The following ST6GALNAC3 variants were observed in gnomAD, a reference collection of about 807,000 sequenced individuals.
ST6GALNAC3 encodes alpha-N-acetylgalactosaminide alpha-2,6-sialyltransferase 3.
A neutral mutation model predicts 32.7 loss-of-function variants in ST6GALNAC3; 25 were observed. That is an observed-to-expected ratio of 0.76 (90% confidence interval 0.56 to 1.07). The LOEUF (loss-of-function observed/expected upper bound fraction) is 1.07. Among genes scored for constraint, ST6GALNAC3 ranks in the 50% least tolerant of loss-of-function variants. The pLI is 0.00. For missense variants in ST6GALNAC3, 355 were observed against 382.4 expected, an observed-to-expected ratio of 0.93 and a Z score of 0.60; for synonymous variants, 129 against 133.1, an observed-to-expected ratio of 0.97 and a Z score of 0.21.
intron 3 of ST6GALNAC3, among the ~76,000 whole-genome samples, chr1:76,432,773 T>A (rs906793551): frequency 6.6e-6 from 1 of 152,124 alleles, no homozygotes; most frequent in Admixed American, 6.5e-5. Flanking sequence ...TGTATTCTCT[T>A]ATAATGTTGA....
chr1:76,204,347 A>G (rs902464648), intron 1 of ST6GALNAC3, among the ~76,000 whole-genome samples: 6 of 152,204 alleles, frequency 3.9e-5, no homozygotes, highest in African/African-American at 1.4e-4. Context: ...TGCCATAAAT[A>G]TGGGGGTAGA....
intron 3 of ST6GALNAC3, among the ~76,000 whole-genome samples, chr1:76,626,968 C>T (rs1292838985): frequency 6.6e-6 from 1 of 151,880 alleles, no homozygotes; most frequent in Non-Finnish European, 1.5e-5. Context: ...TCAAGTTATT[C>T]ACATACACTG....
chr1:76,203,746 T>C (rs1295789417), intron 1 of ST6GALNAC3, among the ~76,000 whole-genome samples: 1 of 152,208 alleles, frequency 6.6e-6, no homozygotes, highest in African/African-American at 2.4e-5. Flanking sequence ...ACTATATAGA[T>C]ATAAAATTAC....
chr1:76,532,221 C>T (rs961283098), intron 3 of ST6GALNAC3, among the ~76,000 whole-genome samples: 7 of 152,158 alleles, frequency 4.6e-5, no homozygotes, highest in Non-Finnish European at 1.0e-4. Context: ...CATTTTCACC[C>T]ACCCAGGGAA....
chr1:76,088,346 C>T (rs1646991955), intron 1 of ST6GALNAC3, among the ~76,000 whole-genome samples: 1 of 152,148 alleles, frequency 6.6e-6, no homozygotes. Flanking sequence ...AACAAATTAA[C>T]CTACTTAAAA....
intron 1 of ST6GALNAC3, among the ~76,000 whole-genome samples, chr1:76,277,988 G>C (rs1659266964): frequency 6.6e-6 from 1 of 151,612 alleles, no homozygotes. Flanking sequence ...GGTCATTCTT[G>C]GCCTTTTGCA....
intron 1 of ST6GALNAC3, among the ~76,000 whole-genome samples, chr1:76,192,408 G>A (rs1221139152): frequency 1.3e-5 from 2 of 152,124 alleles, no homozygotes; most frequent in Non-Finnish European, 2.9e-5. Context: ...CTCTCTAGTC[G>A]ACTTGGAAAA....
At chr1:76,344,824 A>G (rs1648360932) in intron 2 of ST6GALNAC3, among the ~76,000 whole-genome samples, 1 of 152,080 alleles carries the variant, frequency 6.6e-6, no homozygotes, top group African/African-American at 2.4e-5. Context: ...TCCTAAGCAC[A>G]CTCAGTGAGG....
intron 3 of ST6GALNAC3, among the ~76,000 whole-genome samples, chr1:76,510,796 A>C (rs527881273): frequency 2.6e-5 from 4 of 152,310 alleles, no homozygotes; most frequent in East Asian, 1.9e-4. Flanking sequence ...TTGGACAAAA[A>C]TCACTAAGCA....
chr1:76,631,157 G>A lies in ST6GALNAC3; in HGVS notation c.*2351G>A, dbSNP rs1649279632. On this transcript the variant is annotated 3_prime_UTR_variant, in exon 5 of 5. Transcript: ENST00000328299. ...GTGTGTGGAATATGTAGACTCCAGT[G>A]TTTTCTTAGGAGGGGTGGGAAAGGG... 2.4e-6 allele frequency: 1 copy of A among 411,082 alleles called. No homozygotes were observed. The highest frequency in any genetic ancestry group is 3.3e-6 in the Non-Finnish European group (1 of 305,510). 25.5% of individuals were successfully genotyped at this position (411,082 alleles called of 1,614,324 possible).
At chr1:76,489,727 T>C (rs1262324449) in intron 3 of ST6GALNAC3, among the ~76,000 whole-genome samples, 2 of 152,136 alleles carry the variant, frequency 1.3e-5, no homozygotes, top group African/African-American at 2.4e-5. Context: ...GCCCTCTCCA[T>C]GCTGACCTCT....
intron 3 of ST6GALNAC3, among the ~76,000 whole-genome samples, chr1:76,490,308 G>A (rs1433292518): frequency 2.0e-5 from 3 of 151,956 alleles, no homozygotes; most frequent in Admixed American, 6.6e-5. Flanking sequence ...AAAGCAGATA[G>A]TAAGTTCTAG....
chr1:76,128,117 A>G (rs909787401), intron 1 of ST6GALNAC3, among the ~76,000 whole-genome samples: 3 of 152,156 alleles, frequency 2.0e-5, no homozygotes, highest in Non-Finnish European at 4.4e-5. Context: ...GTCGGAGCCC[A>G]TTGACCTTGG....
At chr1:76,114,392 C>T (rs1420239885) in intron 1 of ST6GALNAC3, among the ~76,000 whole-genome samples, 3 of 152,130 alleles carry the variant, frequency 2.0e-5, no homozygotes, top group Non-Finnish European at 4.4e-5. Flanking sequence ...TTTCCTAGAA[C>T]AGGGAGCACC....
intron 1 of ST6GALNAC3, among the ~76,000 whole-genome samples, chr1:76,246,192 G>A (rs1231623805): frequency 1.3e-5 from 2 of 152,036 alleles, no homozygotes; most frequent in East Asian, 3.9e-4. Flanking sequence ...GATCTTTGTT[G>A]GCTTAAAGCC....
chr1:76,314,033 A>G, intron 2 of ST6GALNAC3, 34 bp downstream of exon 2: 2 of 1,591,374 alleles, frequency 1.3e-6, no homozygotes, highest in South Asian at 1.1e-5. Flanking sequence ...GCAGTTGGAG[A>G]GTATCCATGG....
chr1:76,533,595 C>T (rs1663404875), intron 3 of ST6GALNAC3, among the ~76,000 whole-genome samples: 1 of 152,150 alleles, frequency 6.6e-6, no homozygotes, highest in Non-Finnish European at 1.5e-5. Flanking sequence ...CATATTTCTT[C>T]CATTCCCTCC....
intron 3 of ST6GALNAC3, among the ~76,000 whole-genome samples, chr1:76,517,311 CTA>C (rs996127982): frequency 6.6e-6 from 1 of 151,628 alleles, no homozygotes; most frequent in African/African-American, 2.4e-5. Context: ...TTTGGTACCT[CTA>C]TGTTTATGTG....
intron 1 of ST6GALNAC3, among the ~76,000 whole-genome samples, chr1:76,305,468 A>G (rs1040625404): frequency 6.6e-6 from 1 of 152,074 alleles, no homozygotes; most frequent in Non-Finnish European, 1.5e-5. Context: ...CTGCACTTAC[A>G]CTGTAGAGTC....
Sources: gnomAD v4.1 joint callset for allele counts (sites outside exome capture counted in the v4.1 genomes callset) on GRCh38, gnomAD v4.1.1 for gene constraint, MANE v1.5 for transcripts, NCBI Gene and HGNC (gene_info 2026-07-23, HGNC 2026-07-21) for gene names.